SHROOM3: variants seen among roughly 807,000 people sequenced by gnomAD.
SHROOM3 encodes the protein shroom family member 3.
In SHROOM3, 47 loss-of-function variants were observed where a neutral mutation model predicts 138.6. The observed-to-expected ratio is 0.34, with a 90% CI of 0.27 to 0.43. The LOEUF (loss-of-function observed/expected upper bound fraction) is 0.43. SHROOM3 is among the 20% of genes least tolerant of loss of function. The probability of loss-of-function intolerance (pLI) is 1.00; values close to 1 mark genes in which losing one functional copy is unlikely to be tolerated. For synonymous variants in SHROOM3, 1,062 were observed against 1,063.3 expected (o/e 1.00, Z 0.02); for missense variants, 2,491 against 2,596.5 (o/e 0.96, Z 0.88).
At chr4:76,491,692 CT>C (rs1731853611) in intron 1 of SHROOM3, among the ~76,000 whole-genome samples, 1 of 152,134 alleles carries the variant, frequency 6.6e-6, no homozygotes, top group African/African-American at 2.4e-5. Flanking sequence ...TGGGGAGCCC[CT>C]GAAACAACAC....
At chr4:76,467,644 C>T (rs971784288) in intron 1 of SHROOM3, among the ~76,000 whole-genome samples, 3 of 152,094 alleles carry the variant, frequency 2.0e-5, no homozygotes, top group Admixed American at 2.0e-4. Context: ...TCTGAGAGCC[C>T]CTTACAAGTG....
intron 1 of SHROOM3, among the ~76,000 whole-genome samples, chr4:76,524,657 T>C (rs1258831174): frequency 1.3e-5 from 2 of 152,134 alleles, no homozygotes; most frequent in Non-Finnish European, 2.9e-5. Flanking sequence ...CTTCAATAGA[T>C]TTGTGCCCAG....
At chr4:76,698,571 C>T (rs1281980496) in intron 2 of SHROOM3, among the ~76,000 whole-genome samples, 1 of 152,174 alleles carries the variant, frequency 6.6e-6, no homozygotes, top group Non-Finnish European at 1.5e-5. Context: ...GAGCCAGAGT[C>T]CCTTTACCTC....
chr4:76,641,821 G>C (rs1258412366), intron 2 of SHROOM3, among the ~76,000 whole-genome samples: 1 of 152,170 alleles, frequency 6.6e-6, no homozygotes, highest in African/African-American at 2.4e-5. Flanking sequence ...TCCCCGACCA[G>C]TTGGTTCACA....
intron 1 of SHROOM3, among the ~76,000 whole-genome samples, chr4:76,491,746 C>T (rs1455631722): frequency 1.3e-5 from 2 of 152,276 alleles, no homozygotes; most frequent in African/African-American, 4.8e-5. Flanking sequence ...CACCCCCCAA[C>T]CCTGGTCAAG....
At chr4:76,582,715 T>C (rs960627140) in intron 2 of SHROOM3, among the ~76,000 whole-genome samples, 2 of 152,080 alleles carry the variant, frequency 1.3e-5, no homozygotes, top group African/African-American at 4.8e-5. Context: ...TTATCCTCTC[T>C]TCACCACAAA....
intron 3 of SHROOM3, among the ~76,000 whole-genome samples, chr4:76,724,944 T>C (rs1375434342): frequency 6.6e-6 from 1 of 152,204 alleles, no homozygotes; most frequent in East Asian, 1.9e-4. Flanking sequence ...TGGTGGGCTA[T>C]TTTTGGTCAT....
At chr4:76,769,116 G>T (rs1246374734) in intron 9 of SHROOM3, among the ~76,000 whole-genome samples, 1 of 150,648 alleles carries the variant, frequency 6.6e-6, no homozygotes, top group Non-Finnish European at 1.5e-5. Context: ...TTTTTTGTGT[G>T]TGTGTTTTTT....
intron 1 of SHROOM3, among the ~76,000 whole-genome samples, chr4:76,501,678 ATAAAGT>A (rs1732098775): frequency 6.6e-6 from 1 of 152,196 alleles, no homozygotes; most frequent in African/African-American, 2.4e-5. Context: ...GGGGCTAGAA[ATAAAGT>A]TAATCACTGA....
chr4:76,716,280 G>A, intron 3 of SHROOM3: 3 of 518,308 alleles, frequency 5.8e-6, no homozygotes, highest in South Asian at 4.2e-5. Flanking sequence ...TGTAGTACTT[G>A]TGAGGCTTTT....
chr4:76,490,506 C>T (rs1171692363), intron 1 of SHROOM3, among the ~76,000 whole-genome samples: 2 of 152,026 alleles, frequency 1.3e-5, no homozygotes, highest in African/African-American at 2.4e-5. Flanking sequence ...CTGCCTGTCT[C>T]GGCCTGTCAA....
intron 6 of SHROOM3, 46 bp downstream of exon 6, chr4:76,749,136 G>T (rs1269721336): frequency 8.0e-6 from 12 of 1,500,178 alleles, no homozygotes; most frequent in African/African-American, 1.4e-5. Context: ...AATGCTGCTG[G>T]TGTTAAACTA....
chr4:76,512,981 A>C (rs1732369655), intron 1 of SHROOM3, among the ~76,000 whole-genome samples: 3 of 152,184 alleles, frequency 2.0e-5, no homozygotes, highest in Non-Finnish European at 4.4e-5. Flanking sequence ...TACATGAGCA[A>C]GTCTTGTGAA....
At chr4:76,577,375 A>G (rs1198750672) in intron 2 of SHROOM3, among the ~76,000 whole-genome samples, 1 of 152,174 alleles carries the variant, frequency 6.6e-6, no homozygotes, top group South Asian at 2.1e-4. Flanking sequence ...TCAGCAGTAC[A>G]TTGGTTAACT....
intron 2 of SHROOM3, chr4:76,559,472 T>C (rs1192512263): frequency 1.3e-5 from 2 of 152,228 alleles, no homozygotes; most frequent in Non-Finnish European, 2.9e-5. Context: ...TTTCTTTTTT[T>C]CTATGTGATC....
rs10712744 is a variant in SHROOM3, at chr4:76,690,693, C to CT, written c.324-19454dup. Among the ~76,000 whole-genome samples the CT allele has an allele frequency of 2.2e-3, 327 of 151,496 alleles. 2 individuals are homozygous for CT. The highest frequency in any genetic ancestry group is 1.8e-3 in the Non-Finnish European group (120 of 67,784). On this transcript the variant is annotated intron_variant, in intron 2 of 10. Transcript: ENST00000296043. ...ATTTTAAATTTATTTTGATGGTTAC[C>CT]TTTTTTTTTCTGATTATAAAAATAT...
At chr4:76,731,991 C>G (rs547501758) in intron 4 of SHROOM3, among the ~76,000 whole-genome samples, 1 of 152,090 alleles carries the variant, frequency 6.6e-6, no homozygotes, top group Non-Finnish European at 1.5e-5. Flanking sequence ...GGAGAGCCCT[C>G]ACAAGTGGTT....
intron 1 of SHROOM3, among the ~76,000 whole-genome samples, chr4:76,503,957 A>G (rs1732151838): frequency 2.0e-5 from 3 of 152,098 alleles, no homozygotes; most frequent in South Asian, 4.1e-4. Flanking sequence ...CTAGGACCCA[A>G]TTCTATAGCC....
intron 1 of SHROOM3, among the ~76,000 whole-genome samples, chr4:76,482,328 C>T (rs531872528): frequency 5.6e-4 from 85 of 152,090 alleles, no homozygotes; most frequent in Admixed American, 2.5e-3. Flanking sequence ...AAAATCAATG[C>T]GGAAAAATCA....
Sources: gnomAD v4.1 joint callset for allele counts (sites outside exome capture counted in the v4.1 genomes callset) on GRCh38, gnomAD v4.1.1 for gene constraint, MANE v1.5 for transcripts, NCBI Gene and HGNC (gene_info 2026-07-23, HGNC 2026-07-21) for gene names.